Variants in NUP160 observed in about 807,000 individuals in gnomAD.
NUP160 encodes the protein nucleoporin 160.
NUP160 carries 94 observed loss-of-function variants against 196.9 expected under a neutral mutation model. That is an observed-to-expected ratio of 0.48 (90% confidence interval 0.40 to 0.57). NUP160 has a LOEUF of 0.57. Among genes scored for constraint, NUP160 ranks in the 20% least tolerant of loss-of-function variants. NUP160 has a pLI of 0.00. For missense variants in NUP160, 1,638 were observed against 1,748.3 expected, an observed-to-expected ratio of 0.94 and a Z score of 1.13; for synonymous variants, 605 against 619.7, an observed-to-expected ratio of 0.98 and a Z score of 0.35.
At chr11:47,819,924 C>T (rs1851821777) in intron 9 of NUP160, among the ~76,000 whole-genome samples, 1 of 152,204 alleles carries the variant, frequency 6.6e-6, no homozygotes, top group South Asian at 2.1e-4. Flanking sequence ...TAGTAAGTTG[C>T]ACAACTAGGA....
intron 17 of NUP160, among the ~76,000 whole-genome samples, chr11:47,811,371 CGGT>C (rs2097680996): frequency 6.6e-6 from 1 of 151,420 alleles, no homozygotes; most frequent in South Asian, 2.1e-4. Context: ...TAGCCGGACA[CGGT>C]GGCACGCACC....
intron 7 of NUP160, among the ~76,000 whole-genome samples, chr11:47,823,862 A>C (rs141324346): frequency 2.5e-3 from 372 of 151,804 alleles, no homozygotes; most frequent in Middle Eastern, 0.014. Flanking sequence ...CTGAAATATT[A>C]AACTGTACGT....
intron 7 of NUP160, among the ~76,000 whole-genome samples, chr11:47,828,472 T>C (rs1852014713): frequency 6.6e-6 from 1 of 152,204 alleles, no homozygotes; most frequent in South Asian, 2.1e-4. Context: ...CCCATGTTCA[T>C]GGATCAGAAG....
At chr11:47,781,980 T>C (rs1565184165) in intron 34 of NUP160, among the ~76,000 whole-genome samples, 3 of 151,892 alleles carry the variant, frequency 2.0e-5, no homozygotes. Flanking sequence ...CATAGCATGA[T>C]AATAAAAAGA....
At chr11:47,798,573 C>T in intron 23 of NUP160, 110 bp from the exon 24 acceptor site, 4 of 662,222 alleles carry the variant, frequency 6.0e-6, no homozygotes, top group Non-Finnish European at 1.1e-5. Context: ...CATGGTGGCT[C>T]ACACCTCCAA....
At position 47,840,091 on chromosome 11, in the gene NUP160, C is replaced by A. The variant is rs114722895; in HGVS notation, c.526-26G>T. On this transcript the variant is annotated intron_variant, in intron 3 of 35. Coordinates refer to ENST00000378460, the Ensembl canonical transcript of NUP160. Reference sequence around the variant, plus strand: ...CTGTTGAGTAATTAAAAAGAAAAATCTATTAAATCAAAATAACCAGAATTT... The same window carrying A: ...CTGTTGAGTAATTAAAAAGAAAAATATATTAAATCAAAATAACCAGAATTT... 1,164 of 1,553,230 alleles carry A rather than the reference C, an allele frequency of 7.5e-4. 4 individuals are homozygous for A. The African/African-American group carries it at 0.015, about 19-fold the overall frequency.
chr11:47,782,344 ATATATATATATATG>A (rs2097661877), intron 34 of NUP160, among the ~76,000 whole-genome samples: 1 of 122,078 alleles, frequency 8.2e-6, no homozygotes, highest in African/African-American at 3.2e-5. Flanking sequence ...ATATATATAT[ATATATATATATATG>A]CGCCTATACC....
At chr11:47,838,098 G>A (rs1220606803) in intron 4 of NUP160, among the ~76,000 whole-genome samples, 1 of 152,200 alleles carries the variant, frequency 6.6e-6, no homozygotes, top group Admixed American at 6.5e-5. Flanking sequence ...AGTACAGAGA[G>A]TGCCAGGATA....
chr11:47,831,119 C>A (rs978266067), intron 7 of NUP160, among the ~76,000 whole-genome samples: 1 of 151,960 alleles, frequency 6.6e-6, no homozygotes, highest in Admixed American at 6.6e-5. Context: ...GCCGAGATCA[C>A]GCCACTGCAC....
chr11:47,792,747 G>C, intron 28 of NUP160, 39 bp downstream of exon 28: 1 of 1,560,074 alleles, frequency 6.4e-7, no homozygotes, highest in East Asian at 2.3e-5. Context: ...ACTTGTTCCA[G>C]GATGAACCCC....
At chr11:47,819,426 A>G (rs1464036240) in exon 10 of NUP160, 3 of 1,613,948 alleles carry the variant, frequency 1.9e-6, no homozygotes, top group South Asian at 2.2e-5. Flanking sequence ...CAGAGGCTGC[A>G]TAAAAACTGG....
intron 14 of NUP160, 88 bp downstream of exon 14, chr11:47,813,228 G>T: frequency 2.7e-6 from 3 of 1,095,004 alleles, no homozygotes; most frequent in Non-Finnish European, 4.1e-6. Flanking sequence ...GACAGGTGTG[G>T]CAATCGATAT....
intron 8 of NUP160, 25 bp from the exon 9 acceptor site, chr11:47,821,846 G>A (rs1034706938): frequency 5.1e-6 from 8 of 1,557,806 alleles, no homozygotes; most frequent in Non-Finnish European, 7.1e-6. Context: ...GGGAAAAAAA[G>A]GGATAAAATA....
At chr11:47,784,814 T>C in intron 33 of NUP160, 108 bp downstream of exon 33, 1 of 825,948 alleles carries the variant, frequency 1.2e-6, no homozygotes, top group Non-Finnish European at 1.8e-6. Context: ...TGTGCGGGCA[T>C]GACAGGTATG....
chr11:47,797,473 A>C (rs533211877), intron 27 of NUP160, among the ~76,000 whole-genome samples: 2 of 152,284 alleles, frequency 1.3e-5, no homozygotes, highest in South Asian at 4.1e-4. Context: ...TCCTGACCTC[A>C]GGTGATCCAC....
exon 25 of NUP160, chr11:47,798,185 T>C (rs779874020): frequency 8.7e-6 from 14 of 1,611,716 alleles, no homozygotes; most frequent in Non-Finnish European, 1.2e-5. Flanking sequence ...AATCAGGAAT[T>C]TGGGTTAAGG....
At chr11:47,811,603 A>G (rs1217736963) in intron 17 of NUP160, among the ~76,000 whole-genome samples, 1 of 152,204 alleles carries the variant, frequency 6.6e-6, no homozygotes, top group Non-Finnish European at 1.5e-5. Flanking sequence ...TGGGAGAGCC[A>G]ACTTGGGAAA....
intron 27 of NUP160, among the ~76,000 whole-genome samples, 173 bp from the exon 28 acceptor site, chr11:47,793,119 T>A (rs575022226): frequency 3.9e-5 from 6 of 152,120 alleles, no homozygotes; most frequent in African/African-American, 1.4e-4. Flanking sequence ...CCTGAGTAGC[T>A]GGGATTATAG....
chr11:47,816,179 C>G, intron 11 of NUP160, 150 bp from the exon 12 acceptor site: 2 of 540,800 alleles, frequency 3.7e-6, no homozygotes, highest in Non-Finnish European at 6.5e-6. Context: ...AGTTAAGAAA[C>G]TGGGTGTATT....
Sources: gnomAD v4.1 joint callset for allele counts (sites outside exome capture counted in the v4.1 genomes callset) on GRCh38, gnomAD v4.1.1 for gene constraint, MANE v1.5 for transcripts, NCBI Gene and HGNC (gene_info 2026-07-23, HGNC 2026-07-21) for gene names.